Variants in SMCHD1 observed in about 807,000 individuals in gnomAD.
SMCHD1 encodes the protein structural maintenance of chromosomes flexible hinge domain-containing protein 1.
In SMCHD1, 78 loss-of-function variants were observed where a neutral mutation model predicts 254.7. The observed-to-expected ratio is 0.31, with a 90% CI of 0.26 to 0.37. The LOEUF (loss-of-function observed/expected upper bound fraction) is 0.37. Ranked by LOEUF, SMCHD1 falls within the 10% of genes least tolerant of loss-of-function variation. The pLI is 1.00. For synonymous variants in SMCHD1, 766 were observed against 794.9 expected (o/e 0.96, Z 0.61); for missense variants, 1,840 against 2,408.1 (o/e 0.76, Z 4.94).
At chr18:2,678,208 CTTTT>C (rs1210470289) in intron 5 of SMCHD1, among the ~76,000 whole-genome samples, 3 of 40,672 alleles carry the variant, frequency 7.4e-5, no homozygotes, top group African/African-American at 1.1e-4. Context: ...TCTTTTCTTT[CTTTT>C]CTTTCTTTCT....
At chr18:2,701,093 T>C in intron 12 of SMCHD1, 175 bp downstream of exon 12, 1 of 470,540 alleles carries the variant, frequency 2.1e-6, no homozygotes, top group Non-Finnish European at 3.7e-6. Context: ...GCTAATTTTT[T>C]AGTAATGACT....
chr18:2,672,225 G>A (rs1010680254), intron 3 of SMCHD1, among the ~76,000 whole-genome samples: 6 of 151,648 alleles, frequency 4.0e-5, no homozygotes, highest in Admixed American at 6.6e-5. Context: ...TGCTACTTTG[G>A]TTTTTTTGTT....
intron 24 of SMCHD1, among the ~76,000 whole-genome samples, chr18:2,731,549 T>G (rs1282839421): frequency 6.6e-6 from 1 of 152,186 alleles, no homozygotes. Context: ...CTGAAAGCCT[T>G]AATGTAATCT....
intron 41 of SMCHD1, among the ~76,000 whole-genome samples, chr18:2,774,768 A>C (rs1184111487): frequency 2.0e-5 from 3 of 152,184 alleles, no homozygotes; most frequent in Non-Finnish European, 1.5e-5. Flanking sequence ...TTGTGCTACC[A>C]GATCAAGTAA....
At chr18:2,770,182 A>G (rs2075952769) in intron 39 of SMCHD1, 74 bp downstream of exon 39, 1 of 1,432,094 alleles carries the variant, frequency 7.0e-7, no homozygotes. Flanking sequence ...TGATACACAA[A>G]CAAGCTTCCA....
At chr18:2,709,246 A>ATATATATATATATATATATGTG (rs759808617) in intron 17 of SMCHD1, among the ~76,000 whole-genome samples, 1 of 107,450 alleles carries the variant, frequency 9.3e-6, no homozygotes, top group Non-Finnish European at 2.1e-5. Flanking sequence ...ATATATATAT[A>ATATATATATATATATATATGTG]TATACACACA....
At chr18:2,756,336 A>G (rs901789204) in intron 34 of SMCHD1, among the ~76,000 whole-genome samples, 20 of 152,138 alleles carry the variant, frequency 1.3e-4, no homozygotes, top group African/African-American at 4.8e-4. Context: ...TTTCTTACAC[A>G]TTCTTAGTTT....
chr18:2,663,271 A>ATT (rs112166951), intron 1 of SMCHD1, among the ~76,000 whole-genome samples: 17,545 of 145,144 alleles, frequency 0.12, 3,397 homozygotes, highest in African/African-American at 0.41. Context: ...ATGCCCAGCT[A>ATT]TTTTTTTTTT....
chr18:2,758,685 G>C (rs1230089908), intron 34 of SMCHD1, among the ~76,000 whole-genome samples: 9 of 152,000 alleles, frequency 5.9e-5, no homozygotes, highest in Non-Finnish European at 1.3e-4. Flanking sequence ...GGTATTCAAG[G>C]TCAGCAATTT....
intron 26 of SMCHD1, 133 bp downstream of exon 26, chr18:2,738,678 G>T: frequency 1.2e-6 from 1 of 813,490 alleles, no homozygotes; most frequent in East Asian, 3.2e-5. Context: ...TTGGAATAAA[G>T]TGTCATTGGT....
intron 1 of SMCHD1, among the ~76,000 whole-genome samples, chr18:2,657,177 G>C (rs1316427505): frequency 1.3e-5 from 2 of 152,208 alleles, no homozygotes; most frequent in African/African-American, 4.8e-5. Flanking sequence ...GATAGGTTTA[G>C]AAATGTTCTA....
intron 45 of SMCHD1, 68 bp from the exon 46 acceptor site, chr18:2,795,881 T>G (rs2076254302): frequency 7.1e-7 from 1 of 1,402,014 alleles, no homozygotes; most frequent in South Asian, 1.4e-5. Flanking sequence ...GTTGCTCATT[T>G]TTTCCCCTAA....
chr18:2,758,264 T>C (rs1157547233), intron 34 of SMCHD1, among the ~76,000 whole-genome samples: 1 of 152,200 alleles, frequency 6.6e-6, no homozygotes, highest in Non-Finnish European at 1.5e-5. Context: ...TTTCTAATAG[T>C]CATTTTCTGG....
chr18:2,781,785 G>GA (rs377157220), intron 44 of SMCHD1, among the ~76,000 whole-genome samples: 5 of 152,124 alleles, frequency 3.3e-5, no homozygotes, highest in African/African-American at 7.2e-5. Context: ...AAGAGGGTCA[G>GA]AAAAAAATAT....
intron 7 of SMCHD1, 64 bp from the exon 8 acceptor site, chr18:2,694,463 A>C: frequency 1.5e-5 from 18 of 1,231,534 alleles, no homozygotes; most frequent in Non-Finnish European, 1.7e-5. Context: ...ATTTGATGCA[A>C]TAGCTATTTG....
intron 37 of SMCHD1, among the ~76,000 whole-genome samples, chr18:2,767,287 C>T (rs888917658): frequency 6.6e-6 from 1 of 150,660 alleles, no homozygotes; most frequent in Non-Finnish European, 1.5e-5. Flanking sequence ...ACTTTATGTA[C>T]GTAAGCATAT....
chr18:2,709,221 T>C, intron 17 of SMCHD1, among the ~76,000 whole-genome samples: 1 of 94,304 alleles, frequency 1.1e-5, no homozygotes, highest in African/African-American at 4.5e-5. Flanking sequence ...TGTGTATATA[T>C]GTGTATATGT....
chr18:2,762,000 A>C (rs2075794104), intron 35 of SMCHD1, 105 bp from the exon 36 acceptor site: 1 of 862,462 alleles, frequency 1.2e-6, no homozygotes. Context: ...TTTAGAAGGT[A>C]ACATTTAATT....
rs761604096 is a variant in SMCHD1, at chr18:2,769,804, G to A, written c.4830G>A (p.Pro1610=). The change falls in exon 38 of 48, where the codon CCG becomes CCA. Residue 1610 remains proline, a synonymous_variant. Coordinates refer to ENST00000320876, the MANE Select transcript of SMCHD1 (RefSeq NM_015295.3). ...GAACCTTAGAACCATATATCCTACC[G>A]TTCATGTTTTACAATGGTAAGTTTC... ...LSRTLEPYIL[P]FMFYNDVKKQ... 4.4e-6 allele frequency: 7 copies of A among 1,602,400 alleles called. No individual in the cohort carries two copies. Among genetic ancestry groups the A allele is most frequent in the East Asian group, 2.2e-5 (1 of 44,702 alleles).
Sources: gnomAD v4.1 joint callset for allele counts (sites outside exome capture counted in the v4.1 genomes callset) on GRCh38, gnomAD v4.1.1 for gene constraint, MANE v1.5 for transcripts, NCBI Gene and HGNC (gene_info 2026-07-23, HGNC 2026-07-21) for gene names.